The following EDARADD variants were observed in gnomAD, a reference collection of about 807,000 sequenced individuals.
The protein encoded by EDARADD is EDAR associated via death domain.
EDARADD carries 20 observed loss-of-function variants against 25.6 expected under a neutral mutation model. That is an observed-to-expected ratio of 0.78 (90% CI 0.55 to 1.14). The LOEUF (loss-of-function observed/expected upper bound fraction) is 1.14, where lower values mean the gene tolerates loss of function less well. Ranked by LOEUF, EDARADD falls within the 50% of genes most tolerant of loss-of-function variation. The pLI, the probability that EDARADD is intolerant of heterozygous loss-of-function variation, is 0.00. For missense variants in EDARADD, 225 were observed against 270.1 expected, an observed-to-expected ratio of 0.83 and a Z score of 1.17; for synonymous variants, 86 against 94.4, an observed-to-expected ratio of 0.91 and a Z score of 0.52.
intron 4 of EDARADD, among the ~76,000 whole-genome samples, chr1:236,437,658 T>C (rs1056334441): frequency 2.0e-5 from 3 of 151,824 alleles, no homozygotes; most frequent in African/African-American, 7.3e-5. Context: ...GTGCCACGAA[T>C]GAAGTGACTT....
intron 1 of EDARADD, among the ~76,000 whole-genome samples, chr1:236,399,798 A>G (rs1667584094): frequency 6.6e-6 from 1 of 152,254 alleles, no homozygotes; most frequent in Non-Finnish European, 1.5e-5. Context: ...GCCGACGGCC[A>G]CAGAGCATTG....
At chr1:236,415,643 C>T (rs1442088837) in intron 3 of EDARADD, among the ~76,000 whole-genome samples, 1 of 152,162 alleles carries the variant, frequency 6.6e-6, no homozygotes, top group Non-Finnish European at 1.5e-5. Flanking sequence ...CGGGGTTTCA[C>T]CATGTTGGTC....
At chr1:236,356,509 A>T (rs654288) in intron 3 of EDARADD, among the ~76,000 whole-genome samples, 51,899 of 151,974 alleles carry the variant, frequency 0.34, 9,108 homozygotes, top group African/African-American at 0.42. Flanking sequence ...CCTTTCTGCA[A>T]GGGGCCTGTG....
intron 1 of EDARADD, among the ~76,000 whole-genome samples, chr1:236,404,795 G>A (rs1245910161): frequency 7.4e-5 from 11 of 149,560 alleles, no homozygotes; most frequent in Admixed American, 2.0e-4. Flanking sequence ...ACTGTGAGAC[G>A]CCGTCTCAAA....
intron 4 of EDARADD, among the ~76,000 whole-genome samples, chr1:236,441,324 G>A (rs1658392707): frequency 1.4e-5 from 2 of 141,096 alleles, no homozygotes; most frequent in Non-Finnish European, 3.0e-5. Context: ...ATATATAAAT[G>A]TATATAAATA....
intron 4 of EDARADD, among the ~76,000 whole-genome samples, chr1:236,428,757 C>T (rs1658005384): frequency 6.7e-6 from 1 of 150,346 alleles, no homozygotes. Context: ...AGGCTGCAAT[C>T]TCGGCACTTT....
rs1231711518 is a variant in EDARADD at position 236,431,877 on chromosome 1, C to T, written c.219+4427C>T. 8.5e-5 allele frequency among the ~76,000 whole-genome samples: 4 copies of T among 47,162 alleles called. No homozygotes were observed. The Admixed American group carries it at 9.6e-4, about 11-fold the overall frequency. 30.9% of individuals were successfully genotyped at this position (47,162 alleles called of 152,430 possible). Reference sequence around the variant, plus strand: ...CGGAGCTTGCAGTGAGCCGAGATTGCGCCACTGCAGTCCGCAGTCCGACCT... The same window carrying T: ...CGGAGCTTGCAGTGAGCCGAGATTGTGCCACTGCAGTCCGCAGTCCGACCT... On this transcript the variant is annotated intron_variant, in intron 4 of 5. Coordinates refer to ENST00000334232, the MANE Select transcript of EDARADD (RefSeq NM_145861.4).
intron 1 of EDARADD, among the ~76,000 whole-genome samples, chr1:236,406,287 G>A (rs1667738176): frequency 6.6e-6 from 1 of 152,102 alleles, no homozygotes; most frequent in African/African-American, 2.4e-5. Flanking sequence ...TGAGAAGGAT[G>A]GGAAGGAAAA....
chr1:236,355,735 C>G (rs1196555369), intron 3 of EDARADD, among the ~76,000 whole-genome samples: 2 of 151,834 alleles, frequency 1.3e-5, no homozygotes, highest in East Asian at 3.9e-4. Context: ...GTCTCGAACT[C>G]CTGACCTCAG....
Position 236,395,171 on chromosome 1 carries a change from T to C in EDARADD, c.61+666T>C, listed in dbSNP as rs1432077949. On this transcript the variant is annotated intron_variant, in intron 1 of 5. Coordinates refer to ENST00000334232, the MANE Select transcript of EDARADD (RefSeq NM_145861.4). The surrounding 1 kb of genome is among the most constrained non-coding windows in gnomAD (Gnocchi z 6.9). ...GGGAGCCAGGAAAGCGACCCGCGAC[T>C]GCAGCCGTTTCTTAAGGCCAGTCCT... Among the ~76,000 whole-genome samples the C allele has an allele frequency of 1.3e-5, 2 of 152,234 alleles. No individual in the cohort carries two copies. Among genetic ancestry groups the C allele is most frequent in the Non-Finnish European group, 2.9e-5 (2 of 68,036 alleles).
chr1:236,481,778 C>CTCAAAA (rs1659680943), intron 5 of EDARADD, among the ~76,000 whole-genome samples: 1 of 93,320 alleles, frequency 1.1e-5, no homozygotes, highest in African/African-American at 4.5e-5. Flanking sequence ...CACCCTGTAT[C>CTCAAAA]AAAAAAAAAA....
intron 3 of EDARADD, among the ~76,000 whole-genome samples, chr1:236,376,012 A>G (rs1267462955): frequency 1.4e-5 from 2 of 142,166 alleles, no homozygotes; most frequent in Admixed American, 7.6e-5. Context: ...TTGGCTCACT[A>G]CCACCTCTGC....
chr1:236,389,162 G>A (rs547197666), intron 3 of EDARADD, among the ~76,000 whole-genome samples: 2 of 152,278 alleles, frequency 1.3e-5, no homozygotes, highest in African/African-American at 2.4e-5. Flanking sequence ...AATGGTGCTG[G>A]GTGTGGGAGC....
rs138144429 is a variant in EDARADD at position 236,361,384 on chromosome 1, C to T, written c.-6+10545C>T. ...AGGCTGGAGTGCAGTGGCGCGATCTCGGCTCACTGCAACCTCCACCTCCGG... is the reference window on the plus strand; with the variant it reads ...AGGCTGGAGTGCAGTGGCGCGATCTTGGCTCACTGCAACCTCCACCTCCGG... On this transcript the variant is annotated intron_variant, in intron 3 of 7. Coordinates refer to the EDARADD transcript ENST00000439430. Among the ~76,000 whole-genome samples the T allele has an allele frequency of 3.5e-3, 533 of 151,704 alleles. 3 individuals are homozygous for T. The highest frequency in any genetic ancestry group is 0.011 in the African/African-American group (466 of 41,340).
intron 4 of EDARADD, among the ~76,000 whole-genome samples, chr1:236,461,634 G>C (rs530851826): frequency 6.6e-6 from 1 of 152,268 alleles, no homozygotes; most frequent in East Asian, 1.9e-4. Context: ...AGGTGTAGAA[G>C]TCATAAGCGT....
At chr1:236,361,233 C>T (rs2812460) in intron 3 of EDARADD, among the ~76,000 whole-genome samples, 52,047 of 151,892 alleles carry the variant, frequency 0.34, 9,174 homozygotes, top group African/African-American at 0.42. Flanking sequence ...CTTTCCCCTA[C>T]GCCACCAGTC....
intron 3 of EDARADD, among the ~76,000 whole-genome samples, chr1:236,427,181 C>T (rs1657943560): frequency 6.6e-6 from 1 of 152,148 alleles, no homozygotes; most frequent in African/African-American, 2.4e-5. Flanking sequence ...GGAATTGTGC[C>T]TAATCTCTTG....
chr1:236,356,583 G>A (rs1472973654), intron 3 of EDARADD, among the ~76,000 whole-genome samples: 2 of 152,036 alleles, frequency 1.3e-5, no homozygotes, highest in Non-Finnish European at 2.9e-5. Flanking sequence ...GCTAACATTT[G>A]CACAGTTAAA....
intron 1 of EDARADD, among the ~76,000 whole-genome samples, chr1:236,396,984 G>T: frequency 9.7e-6 from 1 of 103,074 alleles, no homozygotes; most frequent in Admixed American, 1.3e-4. Context: ...TGGGGGGTGG[G>T]GGAATTCAAA....
Sources: allele counts gnomAD v4.1 joint callset (sites outside exome capture counted in the v4.1 genomes callset), GRCh38; gene constraint gnomAD v4.1.1; non-coding constraint Gnocchi (gnomAD v3.1); transcripts MANE v1.5; gene names NCBI Gene and HGNC (gene_info 2026-07-23, HGNC 2026-07-21).